Variants in DCUN1D5 observed in about 807,000 individuals in gnomAD.
DCUN1D5 encodes the protein defective in cullin neddylation 1 domain containing 5, also known as DCN1-like protein 5.
Under a neutral mutation model 38.3 loss-of-function variants are expected in DCUN1D5, and 10 were observed. The observed-to-expected ratio is 0.26, with a 90% confidence interval of 0.16 to 0.44. The LOEUF (loss-of-function observed/expected upper bound fraction) is 0.44. Among genes scored for constraint, DCUN1D5 ranks in the 20% least tolerant of loss-of-function variants. The probability of loss-of-function intolerance (pLI) is 1.00; values close to 1 mark genes in which losing one functional copy is unlikely to be tolerated. For synonymous variants in DCUN1D5, 93 were observed against 90.9 expected (o/e 1.02, Z -0.13); for missense variants, 148 against 275.3 (o/e 0.54, Z 3.27).
chr11:103,090,141 T>TA (rs1297690250), intron 1 of DCUN1D5, among the ~76,000 whole-genome samples: 1 of 152,184 alleles, frequency 6.6e-6, no homozygotes, highest in African/African-American at 2.4e-5. Context: ...TTTAAATTGA[T>TA]AGAGCAAAGT....
chr11:103,085,452 T>C (rs1405502750), intron 2 of DCUN1D5, among the ~76,000 whole-genome samples: 1 of 152,004 alleles, frequency 6.6e-6, no homozygotes, highest in Admixed American at 6.6e-5. Context: ...ATATAAAAAA[T>C]AAAAAAGAAA....
chr11:103,087,849 C>G lies in DCUN1D5; in HGVS notation c.178+1378G>C, dbSNP rs923445887. Among the ~76,000 whole-genome samples the G allele has an allele frequency of 2.0e-5, 3 of 152,008 alleles. No individual in the cohort carries two copies. Among genetic ancestry groups the G allele is most frequent in the African/African-American group, 7.3e-5 (3 of 41,374 alleles). On this transcript the variant is annotated intron_variant, in intron 2 of 7. Coordinates refer to ENST00000260247, the MANE Select transcript of DCUN1D5 (RefSeq NM_032299.4). This position sits in a 1 kb window ranked among gnomAD's most constrained non-coding sequence, Gnocchi z 4.1. ...AGTTCCTAGTTGAGGCAAATATTTT[C>G]TATTTCTATTGTATCTAGTAACCTT...
intron 4 of DCUN1D5, among the ~76,000 whole-genome samples, chr11:103,081,653 G>A (rs954699660): frequency 3.9e-5 from 6 of 152,026 alleles, no homozygotes; most frequent in African/African-American, 4.8e-5. Context: ...AAATATTTTC[G>A]TAACCTCTCT....
chr11:103,087,339 T>A lies in DCUN1D5; in HGVS notation c.178+1888A>T, dbSNP rs762948499. Reference sequence around the variant, plus strand: ...GCGCACACCACCACGCCCGGCTAATTGTTTGTGTTTTTGGTAGAGAGAGTG... The same window carrying A: ...GCGCACACCACCACGCCCGGCTAATAGTTTGTGTTTTTGGTAGAGAGAGTG... On this transcript the variant is annotated intron_variant, in intron 2 of 7. Coordinates refer to ENST00000260247, the MANE Select transcript of DCUN1D5 (RefSeq NM_032299.4). The surrounding 1 kb of genome is among the most constrained non-coding windows in gnomAD (Gnocchi z 4.1). Among the ~76,000 whole-genome samples the A allele has an allele frequency of 6.6e-6, 1 of 151,796 alleles. No homozygotes were observed. Among genetic ancestry groups the A allele is most frequent in the Non-Finnish European group, 1.5e-5 (1 of 67,934 alleles).
At chr11:103,076,257 T>G (rs1862405251) in intron 4 of DCUN1D5, among the ~76,000 whole-genome samples, 2 of 151,934 alleles carry the variant, frequency 1.3e-5, no homozygotes, top group South Asian at 4.2e-4. Flanking sequence ...CCACCAAAAA[T>G]AAACCACAGG....
In DCUN1D5 at chr11:103,062,889, A is replaced by G. The variant is rs1862047494; in HGVS notation, c.659-475T>C. 6.6e-6 allele frequency among the ~76,000 whole-genome samples: 1 copy of G among 152,164 alleles called. No homozygotes were observed. Among genetic ancestry groups the G allele is most frequent in the Admixed American group, 6.5e-5 (1 of 15,274 alleles). ...GCAAGTGCCTAATGAATATCTAATT[A>G]ATGAGCTAAGTACTATTCTAAAACA... On this transcript the variant is annotated intron_variant, in intron 7 of 7. Coordinates refer to ENST00000260247, the MANE Select transcript of DCUN1D5 (RefSeq NM_032299.4). The surrounding 1 kb of genome is among the most constrained non-coding windows in gnomAD (Gnocchi z 4.6).
chr11:103,072,524 A>G (rs1050376354), intron 4 of DCUN1D5, among the ~76,000 whole-genome samples: 1 of 152,144 alleles, frequency 6.6e-6, no homozygotes, highest in African/African-American at 2.4e-5. Context: ...ATGTCCATCA[A>G]TGATAGACTG....
Position 103,064,839 on chromosome 11 carries a change from A to AT in DCUN1D5, c.556-463dup, listed in dbSNP as rs967388861. On this transcript the variant is annotated intron_variant, in intron 6 of 7. Transcript: ENST00000260247. This position sits in a 1 kb window ranked among gnomAD's most constrained non-coding sequence, Gnocchi z 4.5. ...CCCACCCTTGCCACTTAATTGAGTG[A>AT]TTTTGGGAAAGTTACTTAAGAATAG... Among the ~76,000 whole-genome samples the AT allele has an allele frequency of 6.6e-6, 1 of 152,122 alleles. No individual in the cohort carries two copies. The highest frequency in any genetic ancestry group is 1.5e-5 in the Non-Finnish European group (1 of 68,036).
At chr11:103,072,824 G>A (rs1461230796) in intron 4 of DCUN1D5, among the ~76,000 whole-genome samples, 2 of 152,008 alleles carry the variant, frequency 1.3e-5, no homozygotes, top group Non-Finnish European at 1.5e-5. Flanking sequence ...ACGAGCTAAC[G>A]GGTGCAGCAC....
Position 103,066,225 on chromosome 11 carries a change from A to T in DCUN1D5, c.555+44T>A. 1 of 1,241,738 alleles carries T rather than the reference A, an allele frequency of 8.1e-7. No homozygotes were observed. The highest frequency in any genetic ancestry group is 1.1e-6 in the Non-Finnish European group (1 of 887,784). 76.9% of individuals were successfully genotyped at this position (1,241,738 alleles called of 1,614,324 possible). On this transcript the variant is annotated intron_variant, in intron 6 of 7. Coordinates refer to ENST00000260247, the MANE Select transcript of DCUN1D5 (RefSeq NM_032299.4). The surrounding 1 kb of genome is among the most constrained non-coding windows in gnomAD (Gnocchi z 4.7). ...TCCTCAAAAGTATAACTTTCAGATT[A>T]AGTTTTAAAATAATATTTTCAAAAT... is the stretch of plus-strand genomic sequence containing the variant.
chr11:103,075,741 A>T (rs1014304153), intron 4 of DCUN1D5, among the ~76,000 whole-genome samples: 11 of 152,192 alleles, frequency 7.2e-5, no homozygotes, highest in African/African-American at 2.7e-4. Context: ...TTCTCCACAC[A>T]TTTAGTAGCC....
chr11:103,086,221 T>G lies in DCUN1D5; in HGVS notation c.179-2895A>C, dbSNP rs188844418. 6.5e-4 allele frequency among the ~76,000 whole-genome samples: 99 copies of G among 152,204 alleles called. No homozygotes were observed. Among genetic ancestry groups the G allele is most frequent in the Admixed American group, 4.7e-3 (72 of 15,294 alleles). On this transcript the variant is annotated intron_variant, in intron 2 of 7. Coordinates refer to ENST00000260247, the MANE Select transcript of DCUN1D5 (RefSeq NM_032299.4). This position sits in a 1 kb window ranked among gnomAD's most constrained non-coding sequence, Gnocchi z 4.1. ...TCTCAGTGACACAGCACCTTCAACA[T>G]GAGCTACGTAAGAGTCATTAATTTT...
chr11:103,091,384 A>G lies in DCUN1D5; in HGVS notation c.86+403T>C. On this transcript the variant is annotated intron_variant, in intron 1 of 7. Coordinates refer to ENST00000260247, the MANE Select transcript of DCUN1D5 (RefSeq NM_032299.4). The surrounding 1 kb of genome is among the most constrained non-coding windows in gnomAD (Gnocchi z 4.3). Reference sequence around the variant, plus strand: ...TGCTTTCTTCACACTCTACAAAGAAATTCTAGAAGTGACCCTTCTGCGGAT... The same window carrying G: ...TGCTTTCTTCACACTCTACAAAGAAGTTCTAGAAGTGACCCTTCTGCGGAT... 2 of 181,490 alleles carry G rather than the reference A, an allele frequency of 1.1e-5. No homozygotes were observed. The highest frequency in any genetic ancestry group is 1.8e-4 in the South Asian group (2 of 11,336). 11.2% of individuals were successfully genotyped at this position (181,490 alleles called of 1,614,324 possible). A position where few individuals can be genotyped will look rare whatever the true frequency, so the allele number is the denominator to read the frequency against.
In DCUN1D5 at chr11:103,079,034, G is replaced by A. The variant is rs369786714; in HGVS notation, c.341+3714C>T. The stretch of plus-strand genomic sequence containing the variant: ...TTAGAAACCAGGCTGTATAGCAGGA[G>A]GCAAGCGGCAGGCGAGTGAGCCAGC... On this transcript the variant is annotated intron_variant, in intron 4 of 7. Transcript: ENST00000260247. 1.5e-4 allele frequency among the ~76,000 whole-genome samples: 23 copies of A among 152,332 alleles called. 1 individual carries two copies. The highest frequency in any genetic ancestry group is 8.3e-4 in the South Asian group (4 of 4,834).
Position 103,052,756 on chromosome 11 carries a change from T to G in DCUN1D5, c.*9603A>C, listed in dbSNP as rs754105336. On this transcript the variant is annotated 3_prime_UTR_variant, in exon 8 of 8. Transcript: ENST00000260247. Reference sequence around the variant, plus strand: ...TTTCCAAAGATACTTGGAATATTTTTCATGTTATTCCAAACACCAACCACT... The same window carrying G: ...TTTCCAAAGATACTTGGAATATTTTGCATGTTATTCCAAACACCAACCACT... 6.6e-6 allele frequency: 1 copy of G among 152,196 alleles called. No homozygotes were observed. Among genetic ancestry groups the G allele is most frequent in the Non-Finnish European group, 1.5e-5 (1 of 68,022 alleles). 9.4% of individuals were successfully genotyped at this position (152,196 alleles called of 1,614,324 possible). A position where few individuals can be genotyped will look rare whatever the true frequency, so the allele number is the denominator to read the frequency against.
At chr11:103,068,800 T>C (rs1862199118) in intron 4 of DCUN1D5, among the ~76,000 whole-genome samples, 1 of 149,846 alleles carries the variant, frequency 6.7e-6, no homozygotes, top group African/African-American at 2.5e-5. Context: ...ACTTTACCTA[T>C]GTAACAAAGC....
At position 103,059,621 on chromosome 11, in the gene DCUN1D5, C is replaced by T. The variant is rs964853174; in HGVS notation, c.*2738G>A. Among the ~76,000 whole-genome samples, 3 of 152,006 alleles carry T rather than the reference C, an allele frequency of 2.0e-5. No homozygotes were observed. The highest frequency in any genetic ancestry group is 4.4e-5 in the Non-Finnish European group (3 of 68,000). The stretch of plus-strand genomic sequence containing the variant: ...TAAGAAATCATTAGACAATAGAAGA[C>T]AAACATGGTAATGCAGTCAGGCCAG... On this transcript the variant is annotated 3_prime_UTR_variant, in exon 8 of 8. Coordinates refer to ENST00000260247, the MANE Select transcript of DCUN1D5 (RefSeq NM_032299.4).
Position 103,065,707 on chromosome 11 carries a change from CCTT to C in DCUN1D5, c.555+559_555+561del. Reference sequence around the variant, plus strand: ...TGCCTATAGTAGTTGCTATGATAAACCTTCTAAAAGAACACGTCATCATTTCAG... The same window carrying C: ...TGCCTATAGTAGTTGCTATGATAAACCTAAAAGAACACGTCATCATTTCAG... On this transcript the variant is annotated intron_variant, in intron 6 of 7. Transcript: ENST00000260247. The surrounding 1 kb of genome is among the most constrained non-coding windows in gnomAD (Gnocchi z 4.6). 6.6e-6 allele frequency among the ~76,000 whole-genome samples: 1 copy of C among 151,742 alleles called. No homozygotes were observed. The highest frequency in any genetic ancestry group is 1.5e-5 in the Non-Finnish European group (1 of 67,952).
chr11:103,067,394 G>A (rs1862160822), intron 4 of DCUN1D5, among the ~76,000 whole-genome samples: 1 of 152,006 alleles, frequency 6.6e-6, no homozygotes, highest in Non-Finnish European at 1.5e-5. Context: ...ATTCCCAAAT[G>A]CCACTGCCAT....
Sources: allele counts gnomAD v4.1 joint callset (sites outside exome capture counted in the v4.1 genomes callset), GRCh38; gene constraint gnomAD v4.1.1; non-coding constraint Gnocchi (gnomAD v3.1); transcripts MANE v1.5; gene names NCBI Gene and HGNC (gene_info 2026-07-23, HGNC 2026-07-21).